PRIM2: variants seen among roughly 807,000 people sequenced by gnomAD.
The protein encoded by PRIM2 is DNA primase large subunit.
Under a neutral mutation model 67.3 loss-of-function variants are expected in PRIM2, and 39 were observed. The observed-to-expected ratio is 0.58, with a 90% CI of 0.45 to 0.76. PRIM2 has a LOEUF of 0.76. Ranked by LOEUF, PRIM2 falls within the 30% of genes least tolerant of loss-of-function variation. The pLI, the probability that PRIM2 is intolerant of heterozygous loss-of-function variation, is 0.00. For missense variants in PRIM2, 398 were observed against 598.7 expected, an observed-to-expected ratio of 0.66 and a Z score of 3.50; for synonymous variants, 143 against 198.7, an observed-to-expected ratio of 0.72 and a Z score of 2.36.
chr6:57,302,215 G>A, the PRIM2 span, among the ~76,000 whole-genome samples: 1 of 152,100 alleles, frequency 6.6e-6, no homozygotes, highest in Non-Finnish European at 1.5e-5. Flanking sequence ...AAGTAATTTT[G>A]TTATTAATTT....
intron 7 of PRIM2, among the ~76,000 whole-genome samples, chr6:57,470,222 T>G (rs1487362960): frequency 6.6e-6 from 1 of 151,924 alleles, no homozygotes; most frequent in African/African-American, 2.4e-5. Context: ...CTTACAAATA[T>G]TTGAAAACAA....
intron 9 of PRIM2, among the ~76,000 whole-genome samples, chr6:57,536,040 G>A (rs1380556537): frequency 2.6e-5 from 4 of 152,160 alleles, no homozygotes; most frequent in Non-Finnish European, 4.4e-5. Context: ...GAGCTGAAAG[G>A]CTTTCTAGTT....
intron 12 of PRIM2, among the ~76,000 whole-genome samples, chr6:57,609,647 A>G (rs1776629515): frequency 6.6e-6 from 1 of 152,100 alleles, no homozygotes; most frequent in African/African-American, 2.4e-5. Context: ...CCATAAGTAT[A>G]CTCCTTACTT....
chr6:57,631,276 T>A (rs1305395373), intron 12 of PRIM2, among the ~76,000 whole-genome samples: 5 of 152,172 alleles, frequency 3.3e-5, no homozygotes, highest in African/African-American at 1.2e-4. Context: ...TCTCCAGAAT[T>A]ATGTTTCCAT....
intron 8 of PRIM2, among the ~76,000 whole-genome samples, chr6:57,516,279 A>T (rs1420471291): frequency 6.6e-6 from 1 of 152,220 alleles, no homozygotes; most frequent in African/African-American, 2.4e-5. Flanking sequence ...GGATCCAGGA[A>T]TTAGAGCATA....
At chr6:57,318,369 G>GT in intron 1 of PRIM2, 68 bp from the exon 2 acceptor site, 4 of 1,432,158 alleles carry the variant, frequency 2.8e-6, no homozygotes, top group African/African-American at 1.4e-5. Flanking sequence ...ATTTTTTCGT[G>GT]TTTTTTCTTT....
chr6:57,423,586 C>G (rs1450302902), intron 7 of PRIM2, among the ~76,000 whole-genome samples: 1 of 152,108 alleles, frequency 6.6e-6, no homozygotes, highest in African/African-American at 2.4e-5. Flanking sequence ...TTAGTAGTTG[C>G]TAGGTAATAG....
intron 7 of PRIM2, among the ~76,000 whole-genome samples, chr6:57,506,457 C>G (rs1774253204): frequency 6.6e-6 from 1 of 151,836 alleles, no homozygotes. Context: ...ACTATATAAA[C>G]CCAAAGGATA....
At chr6:57,283,220 T>C in the PRIM2 span, among the ~76,000 whole-genome samples, 1 of 152,212 alleles carries the variant, frequency 6.6e-6, no homozygotes, top group South Asian at 2.1e-4. Context: ...AATTCAACCA[T>C]ATCTTTGCCC....
intron 5 of PRIM2, among the ~76,000 whole-genome samples, chr6:57,354,883 T>C (rs1274963387): frequency 6.6e-6 from 1 of 152,276 alleles, no homozygotes; most frequent in Non-Finnish European, 1.5e-5. Context: ...TCTGTAGTCA[T>C]ACCTTTGTTG....
intron 7 of PRIM2, among the ~76,000 whole-genome samples, chr6:57,460,617 A>T (rs1346556826): frequency 1.2e-4 from 14 of 116,302 alleles, no homozygotes; most frequent in Admixed American, 2.5e-4. Context: ...ATCCTGATTT[A>T]AAAAAAAAAA....
intron 13 of PRIM2, among the ~76,000 whole-genome samples, chr6:57,643,078 T>A: frequency 6.6e-6 from 1 of 152,200 alleles, no homozygotes; most frequent in East Asian, 1.9e-4. Context: ...ATGGCAACCC[T>A]ATGACCTAAC....
intron 7 of PRIM2, among the ~76,000 whole-genome samples, chr6:57,471,189 T>C (rs1418292992): frequency 1.3e-5 from 2 of 152,084 alleles, no homozygotes; most frequent in African/African-American, 4.8e-5. Context: ...GTACAAAGAC[T>C]GTGAGCTGTG....
chr6:57,224,794 T>C, the PRIM2 span, among the ~76,000 whole-genome samples: 1 of 152,228 alleles, frequency 6.6e-6, no homozygotes, highest in South Asian at 2.1e-4. Flanking sequence ...ATCCAGAATA[T>C]GCCACCCCAA....
chr6:57,466,561 T>A (rs1773199456), intron 7 of PRIM2, among the ~76,000 whole-genome samples: 1 of 152,254 alleles, frequency 6.6e-6, no homozygotes, highest in Non-Finnish European at 1.5e-5. Context: ...TTTGCATTTC[T>A]CTAATGACCA....
chr6:57,440,170 A>AT (rs1246110006), intron 7 of PRIM2, among the ~76,000 whole-genome samples: 3 of 151,386 alleles, frequency 2.0e-5, no homozygotes, highest in South Asian at 2.1e-4. Context: ...AAATTGTATT[A>AT]TATTTTATTT....
intron 7 of PRIM2, among the ~76,000 whole-genome samples, chr6:57,420,647 G>A (rs1771433326): frequency 1.3e-5 from 2 of 152,220 alleles, no homozygotes; most frequent in South Asian, 4.1e-4. Flanking sequence ...AGATAAGGCA[G>A]CAAAATGAAG....
intron 12 of PRIM2, among the ~76,000 whole-genome samples, chr6:57,631,756 C>A (rs1777040636): frequency 6.6e-6 from 1 of 152,158 alleles, no homozygotes; most frequent in East Asian, 1.9e-4. Context: ...CATGCACCAA[C>A]CATTAGATTA....
At chr6:57,316,280 C>G (rs969541972), upstream of PRIM2, among the ~76,000 whole-genome samples, 1 of 152,112 alleles carries the variant, frequency 6.6e-6, no homozygotes, top group Non-Finnish European at 1.5e-5. Flanking sequence ...AAAAATTAGC[C>G]AGGCGCCTGT....
Sources: allele counts gnomAD v4.1 joint callset (sites outside exome capture counted in the v4.1 genomes callset), GRCh38; gene constraint gnomAD v4.1.1; transcripts MANE v1.5; gene names NCBI Gene and HGNC (gene_info 2026-07-23, HGNC 2026-07-21).